Variants in TECPR2 observed in about 807,000 individuals in gnomAD.
The protein encoded by TECPR2 is tectonin beta-propeller repeat-containing protein 2.
In TECPR2, 65 loss-of-function variants were observed where a neutral mutation model predicts 138.1. That is an observed-to-expected ratio of 0.47 (90% CI 0.39 to 0.58). TECPR2 has a LOEUF of 0.58. TECPR2 is among the 20% of genes least tolerant of loss of function. TECPR2 has a pLI of 0.00. For missense variants in TECPR2, 1,553 were observed against 1,824.5 expected, an observed-to-expected ratio of 0.85 and a Z score of 2.71; for synonymous variants, 746 against 749.8, an observed-to-expected ratio of 0.99 and a Z score of 0.08.
rs1336432018 is a variant in TECPR2 at position 102,431,062 on chromosome 14, C to T, written c.1085-734C>T. 3.3e-5 allele frequency among the ~76,000 whole-genome samples: 4 copies of T among 121,562 alleles called. No homozygotes were observed. The East Asian group carries it at 7.0e-4, about 21-fold the overall frequency. 79.7% of individuals were successfully genotyped at this position (121,562 alleles called of 152,430 possible). On this transcript the variant is annotated intron_variant, in intron 7 of 19. Coordinates refer to ENST00000359520, the MANE Select transcript of TECPR2 (RefSeq NM_014844.5). ...TTTTTTGAGACAGGTTTCACTCTGTCGTGCAGGCTGGAGTGCAGTGGCATG... is the reference window on the plus strand; with the variant it reads ...TTTTTTGAGACAGGTTTCACTCTGTTGTGCAGGCTGGAGTGCAGTGGCATG...
At chr14:102,396,684 CTG>C (rs1567323076) in intron 2 of TECPR2, among the ~76,000 whole-genome samples, 1 of 152,166 alleles carries the variant, frequency 6.6e-6, no homozygotes, top group Non-Finnish European at 1.5e-5. Flanking sequence ...GGATGGCAAA[CTG>C]TGGTTAATTT....
intron 16 of TECPR2, among the ~76,000 whole-genome samples, chr14:102,454,042 G>C (rs1287332834): frequency 6.6e-6 from 1 of 151,952 alleles, no homozygotes; most frequent in Non-Finnish European, 1.5e-5. Context: ...CCAGCTACTT[G>C]GTTGGGAGGC....
At chr14:102,437,843 G>A (rs988146203) in intron 9 of TECPR2, among the ~76,000 whole-genome samples, 179 bp from the exon 10 acceptor site, 4 of 152,188 alleles carry the variant, frequency 2.6e-5, no homozygotes, top group South Asian at 2.1e-4. Context: ...GTCTCAGAAG[G>A]TTTGTAGTAG....
At chr14:102,496,292 C>T (rs1214441841) in intron 17 of TECPR2, among the ~76,000 whole-genome samples, 1 of 152,140 alleles carries the variant, frequency 6.6e-6, no homozygotes, top group Non-Finnish European at 1.5e-5. Flanking sequence ...CCAGACAGTG[C>T]TGTGCTCGCG....
chr14:102,474,558 A>G (rs1890716443), intron 17 of TECPR2, among the ~76,000 whole-genome samples: 1 of 152,172 alleles, frequency 6.6e-6, no homozygotes, highest in Non-Finnish European at 1.5e-5. Flanking sequence ...CGGGAGGCGG[A>G]GGTTGTGATG....
chr14:102,423,230 C>T (rs182500697), intron 5 of TECPR2, among the ~76,000 whole-genome samples: 333 of 152,118 alleles, frequency 2.2e-3, no homozygotes, highest in African/African-American at 7.4e-3. Context: ...GTCAGGAGTT[C>T]GAGACCAGCC....
At chr14:102,438,243 CGCTCGCCGCTCCT>C (rs751967033) in intron 10 of TECPR2, 38 bp downstream of exon 10, 21 of 1,389,708 alleles carry the variant, frequency 1.5e-5, no homozygotes, top group Non-Finnish European at 3.0e-6. Context: ...TCCCTGCTCC[CGCTCGCCGCTCCT>C]GCTCCCCGCC....
intron 1 of TECPR2, among the ~76,000 whole-genome samples, chr14:102,374,192 T>G (rs1567313485): frequency 1.3e-5 from 2 of 151,706 alleles, no homozygotes; most frequent in Non-Finnish European, 2.9e-5. Context: ...GAAGAAAAAA[T>G]GATACTTTGC....
At chr14:102,487,216 A>G (rs755544469) in intron 17 of TECPR2, among the ~76,000 whole-genome samples, 28 of 152,242 alleles carry the variant, frequency 1.8e-4, no homozygotes, top group Non-Finnish European at 2.8e-4. Context: ...TTATTTCCAG[A>G]GGCGTCTTTC....
At chr14:102,408,418 T>G in intron 3 of TECPR2, 70 bp from the exon 4 acceptor site, 1 of 1,511,560 alleles carries the variant, frequency 6.6e-7, no homozygotes, top group Non-Finnish European at 8.8e-7. Flanking sequence ...GTATACCTTT[T>G]CCATGTAGCC....
intron 17 of TECPR2, among the ~76,000 whole-genome samples, chr14:102,486,661 C>T (rs988224758): frequency 6.6e-6 from 1 of 152,204 alleles, no homozygotes; most frequent in African/African-American, 2.4e-5. Flanking sequence ...GAGCTCAGCA[C>T]AGCAGGCCCC....
intron 7 of TECPR2, among the ~76,000 whole-genome samples, chr14:102,431,104 A>C (rs2139724836): frequency 6.8e-6 from 1 of 147,786 alleles, no homozygotes; most frequent in Non-Finnish European, 1.5e-5. Flanking sequence ...GCTCACTGCA[A>C]CCTCCACCTC....
At chr14:102,453,736 T>C (rs1196560602) in intron 16 of TECPR2, among the ~76,000 whole-genome samples, 1 of 149,036 alleles carries the variant, frequency 6.7e-6, no homozygotes, top group Non-Finnish European at 1.5e-5. Context: ...CCAGTTTTTT[T>C]AACTTAGAAC....
At position 102,450,473 on chromosome 14, in the gene TECPR2, G is replaced by A. The variant is rs113134990; in HGVS notation, c.3317-87G>A. The A allele has an allele frequency of 2.1e-5, 28 of 1,313,638 alleles. No homozygotes were observed. The African/African-American group carries it at 3.4e-4, about 16-fold the overall frequency. The allele number at this position is 1,313,638 out of a possible 1,614,324, so 81.4% of individuals were successfully genotyped here. A position where few individuals can be genotyped will look rare whatever the true frequency, so the allele number is the denominator to read the frequency against. On this transcript the variant is annotated intron_variant, in intron 14 of 19. Coordinates refer to ENST00000359520, the MANE Select transcript of TECPR2 (RefSeq NM_014844.5). ...GAATTATCTGGAGAAAGGGTTTGAA[G>A]GCCAGCTGTCGTCCAGAACTAAGAT...
chr14:102,433,384 AC>A (rs112719394), intron 8 of TECPR2, among the ~76,000 whole-genome samples: 13,106 of 152,046 alleles, frequency 0.086, 728 homozygotes, highest in African/African-American at 0.17. Flanking sequence ...GCTCCCACTT[AC>A]AAGTCAGAAC....
chr14:102,432,646 C>A (rs550214600), intron 8 of TECPR2, among the ~76,000 whole-genome samples: 1 of 152,054 alleles, frequency 6.6e-6, no homozygotes, highest in Non-Finnish European at 1.5e-5. Flanking sequence ...CTGCCCGCCT[C>A]GGCCTCCCAA....
intron 18 of TECPR2, 113 bp downstream of exon 18, chr14:102,497,233 C>T: frequency 6.9e-7 from 1 of 1,448,752 alleles, no homozygotes; most frequent in Non-Finnish European, 9.1e-7. Context: ...TGTGCTGGGG[C>T]TGTGCTGTCG....
chr14:102,434,113 T>C, intron 8 of TECPR2, 122 bp from the exon 9 acceptor site: 1 of 882,432 alleles, frequency 1.1e-6, no homozygotes, highest in African/African-American at 1.7e-5. Flanking sequence ...GGTTTATTCT[T>C]CATTCACCAA....
intron 1 of TECPR2, among the ~76,000 whole-genome samples, chr14:102,374,985 C>CA (rs1378836412): frequency 1.3e-5 from 2 of 151,998 alleles, no homozygotes; most frequent in Non-Finnish European, 2.9e-5. Context: ...GTGTGTGTGT[C>CA]AGAGTGGCAG....
Sources: gnomAD v4.1 joint callset for allele counts (sites outside exome capture counted in the v4.1 genomes callset) on GRCh38, gnomAD v4.1.1 for gene constraint, MANE v1.5 for transcripts, NCBI Gene and HGNC (gene_info 2026-07-23, HGNC 2026-07-21) for gene names.